Variants in NRXN1 observed in about 807,000 individuals in gnomAD.
NRXN1 encodes neurexin-1.
Under a neutral mutation model 150.9 loss-of-function variants are expected in NRXN1, and 39 were observed. The ratio of observed to expected loss-of-function variants is 0.26; its 90% CI spans 0.20 to 0.34. The LOEUF (loss-of-function observed/expected upper bound fraction) is 0.34. Among genes scored for constraint, NRXN1 ranks in the 10% least tolerant of loss-of-function variants. NRXN1 has a pLI of 1.00. For synonymous variants in NRXN1, 924 were observed against 757.0 expected, an observed-to-expected ratio of 1.22 and a Z score of -3.62; for missense variants, 1,815 against 1,949.9, an observed-to-expected ratio of 0.93 and a Z score of 1.30.
chr2:50,156,330 T>C (rs2059020243), intron 18 of NRXN1, among the ~76,000 whole-genome samples: 1 of 151,882 alleles, frequency 6.6e-6, no homozygotes. Flanking sequence ...TAATACAGTG[T>C]ATGAGAAAGG....
chr2:50,785,872 AACT>A (rs1705046244), intron 5 of NRXN1, among the ~76,000 whole-genome samples: 1 of 152,054 alleles, frequency 6.6e-6, no homozygotes, highest in Non-Finnish European at 1.5e-5. Flanking sequence ...ACTGTTGTCC[AACT>A]ACTATTATAT....
intron 5 of NRXN1, among the ~76,000 whole-genome samples, chr2:50,915,157 C>A (rs1352005978): frequency 1.3e-5 from 2 of 151,510 alleles, no homozygotes; most frequent in African/African-American, 4.8e-5. Context: ...AGAATACTAG[C>A]CAATTATTTA....
At chr2:50,942,302 A>T (rs1689581174) in intron 2 of NRXN1, among the ~76,000 whole-genome samples, 1 of 152,202 alleles carries the variant, frequency 6.6e-6, no homozygotes, top group Non-Finnish European at 1.5e-5. Context: ...GGCAATGCAG[A>T]GAGGAAATAT....
intron 17 of NRXN1, among the ~76,000 whole-genome samples, chr2:50,390,056 ATAG>A (rs1306593541): frequency 1.3e-5 from 2 of 152,220 alleles, no homozygotes; most frequent in Non-Finnish European, 2.9e-5. Flanking sequence ...TTCGTCTTAA[ATAG>A]TAGTATTAGA....
At chr2:50,933,664 A>G (rs949447400) in intron 2 of NRXN1, among the ~76,000 whole-genome samples, 4 of 152,134 alleles carry the variant, frequency 2.6e-5, no homozygotes, top group African/African-American at 7.2e-5. Context: ...TGGAAGAGAG[A>G]GCCATGATCT....
intron 5 of NRXN1, among the ~76,000 whole-genome samples, chr2:50,665,753 C>A (rs1376315633): frequency 2.0e-5 from 3 of 151,902 alleles, no homozygotes; most frequent in African/African-American, 7.2e-5. Flanking sequence ...AACTAAAAAA[C>A]ACATGTTTGG....
chr2:50,195,607 C>T (rs2061707540), intron 18 of NRXN1, among the ~76,000 whole-genome samples: 1 of 152,122 alleles, frequency 6.6e-6, no homozygotes, highest in Admixed American at 6.6e-5. Flanking sequence ...ACAGCCTTCT[C>T]CACTGGCATT....
chr2:50,291,766 T>G (rs902047243), intron 17 of NRXN1, among the ~76,000 whole-genome samples: 1 of 152,006 alleles, frequency 6.6e-6, no homozygotes, highest in African/African-American at 2.4e-5. Flanking sequence ...GTCCAGGAAC[T>G]TAAGTCACAG....
At chr2:50,634,793 G>T (rs1286835487) in intron 5 of NRXN1, among the ~76,000 whole-genome samples, 1 of 152,066 alleles carries the variant, frequency 6.6e-6, no homozygotes, top group African/African-American at 2.4e-5. Context: ...GCTGATGAGG[G>T]GAAGAGAAAA....
chr2:51,001,316 GA>G (rs757890222), intron 2 of NRXN1, among the ~76,000 whole-genome samples: 2 of 151,224 alleles, frequency 1.3e-5, no homozygotes, highest in African/African-American at 2.4e-5. Context: ...TATTAAGCAA[GA>G]GTTCAAAAGC....
intron 21 of NRXN1, among the ~76,000 whole-genome samples, chr2:50,001,602 C>T (rs1238174589): frequency 1.3e-5 from 2 of 152,022 alleles, no homozygotes; most frequent in African/African-American, 4.8e-5. Flanking sequence ...TGCTCTCTGC[C>T]TCAGTTTTCT....
At chr2:50,002,071 G>A (rs563564439) in intron 21 of NRXN1, among the ~76,000 whole-genome samples, 8 of 151,994 alleles carry the variant, frequency 5.3e-5, no homozygotes, top group African/African-American at 1.9e-4. Flanking sequence ...GCTTGCAAGA[G>A]GGCCCTGAGC....
chr2:50,515,356 A>G (rs1354960907), intron 12 of NRXN1, among the ~76,000 whole-genome samples: 1 of 152,118 alleles, frequency 6.6e-6, no homozygotes, highest in African/African-American at 2.4e-5. Context: ...TATATATTAC[A>G]ATGTAATAGT....
chr2:50,685,219 C>T (rs915204107), intron 5 of NRXN1, among the ~76,000 whole-genome samples: 4 of 152,136 alleles, frequency 2.6e-5, no homozygotes, highest in Admixed American at 6.6e-5. Flanking sequence ...CTTTGATCCG[C>T]CTGTTTTTCT....
intron 5 of NRXN1, among the ~76,000 whole-genome samples, chr2:50,839,116 T>G (rs1485619130): frequency 1.3e-5 from 2 of 152,102 alleles, no homozygotes; most frequent in Non-Finnish European, 2.9e-5. Flanking sequence ...AGTTAATTCC[T>G]TTAAGCTATT....
chr2:50,078,744 T>C (rs1573781023), intron 19 of NRXN1, among the ~76,000 whole-genome samples: 1 of 152,080 alleles, frequency 6.6e-6, no homozygotes, highest in South Asian at 2.1e-4. Context: ...AGAATATGAA[T>C]ACCAAAGAAG....
At chr2:50,212,999 T>A (rs1007467192) in intron 18 of NRXN1, among the ~76,000 whole-genome samples, 1 of 151,902 alleles carries the variant, frequency 6.6e-6, no homozygotes, top group African/African-American at 2.4e-5. Flanking sequence ...TTTGAAATTG[T>A]TTCCCAGTTT....
chr2:50,544,832 TA>T (rs1314582952), intron 9 of NRXN1, among the ~76,000 whole-genome samples: 1 of 152,124 alleles, frequency 6.6e-6, no homozygotes, highest in Non-Finnish European at 1.5e-5. Context: ...AGTGAAGGTT[TA>T]AAAAAGTAAA....
intron 5 of NRXN1, among the ~76,000 whole-genome samples, chr2:50,812,222 T>C (rs1668312464): frequency 6.6e-6 from 1 of 152,198 alleles, no homozygotes; most frequent in East Asian, 1.9e-4. Flanking sequence ...GATTTGTGAA[T>C]AGGAGAACAT....
Sources: gnomAD v4.1 joint callset for allele counts (sites outside exome capture counted in the v4.1 genomes callset) on GRCh38, gnomAD v4.1.1 for gene constraint, MANE v1.5 for transcripts, NCBI Gene and HGNC (gene_info 2026-07-23, HGNC 2026-07-21) for gene names.